The following CUL1 variants were observed in gnomAD, a reference collection of about 807,000 sequenced individuals.
The protein encoded by CUL1 is cullin-1.
In CUL1, 24 loss-of-function variants were observed where a neutral mutation model predicts 118.0. The observed-to-expected ratio is 0.20, with a 90% CI of 0.15 to 0.29. The LOEUF (loss-of-function observed/expected upper bound fraction) is 0.29. CUL1 is among the 10% of genes least tolerant of loss of function. The pLI is 1.00. For synonymous variants in CUL1, 332 were observed against 340.4 expected, an observed-to-expected ratio of 0.98 and a Z score of 0.27; for missense variants, 361 against 933.8, an observed-to-expected ratio of 0.39 and a Z score of 7.99.
intron 15 of CUL1, among the ~76,000 whole-genome samples, chr7:148,790,047 T>A (rs1800953196): frequency 6.6e-6 from 1 of 152,248 alleles, no homozygotes; most frequent in Admixed American, 6.5e-5. Context: ...CATGTTTCCT[T>A]ATCTTGTAAA....
chr7:148,742,728 A>G (rs1799186525), intron 2 of CUL1, among the ~76,000 whole-genome samples: 1 of 150,370 alleles, frequency 6.7e-6, no homozygotes, highest in African/African-American at 2.4e-5. Flanking sequence ...CAGCCTCCTG[A>G]GTAGCTGGAA....
At chr7:148,744,404 G>A (rs1171225759) in intron 2 of CUL1, among the ~76,000 whole-genome samples, 15 of 77,274 alleles carry the variant, frequency 1.9e-4, no homozygotes, top group African/African-American at 5.7e-4. Context: ...TGCAGTGTGT[G>A]TGTGTGTGTG....
At chr7:148,773,625 C>T (rs551246804) in intron 9 of CUL1, among the ~76,000 whole-genome samples, 9 of 152,268 alleles carry the variant, frequency 5.9e-5, no homozygotes, top group African/African-American at 1.4e-4. Flanking sequence ...GCAGGGCTGC[C>T]GTCTCGGCTG....
At chr7:148,786,958 G>C in intron 12 of CUL1, 31 bp from the exon 13 acceptor site, 1 of 1,597,958 alleles carries the variant, frequency 6.3e-7, no homozygotes, top group Non-Finnish European at 8.5e-7. Flanking sequence ...GTGTGTGCTG[G>C]TTAAGTGTGT....
chr7:148,798,545 G>T lies in CUL1; in HGVS notation c.2031-27G>T, dbSNP rs1235946356. 2.6e-6 allele frequency: 4 copies of T among 1,540,780 alleles called. No homozygotes were observed. In the African/African-American group the frequency reaches 5.4e-5, roughly 21 times the overall value. Reference sequence around the variant, plus strand: ...ACTGCCTACCTTTTAATATAATAGTGATCGGTTTCCTCATTTTTCTTGATA... The same window carrying T: ...ACTGCCTACCTTTTAATATAATAGTTATCGGTTTCCTCATTTTTCTTGATA... On this transcript the variant is annotated intron_variant, in intron 19 of 21. Coordinates refer to ENST00000325222, the MANE Select transcript of CUL1 (RefSeq NM_003592.3).
chr7:148,751,227 A>G lies in CUL1; in HGVS notation c.141-2749A>G, dbSNP rs147145208. ...AGAATTTTGGACCAGCCAGGGCAAC[A>G]TAGCAAGACCCCATCTCTACAAAAA... is the stretch of plus-strand genomic sequence containing the variant. On this transcript the variant is annotated intron_variant, in intron 2 of 21. Coordinates refer to ENST00000325222, the MANE Select transcript of CUL1 (RefSeq NM_003592.3). Among the ~76,000 whole-genome samples the G allele has an allele frequency of 3.9e-5, 6 of 152,234 alleles. No homozygotes were observed. The East Asian group carries it at 1.2e-3, about 29-fold the overall frequency.
intron 1 of CUL1, among the ~76,000 whole-genome samples, chr7:148,725,621 T>G (rs1798555084): frequency 6.6e-6 from 1 of 152,176 alleles, no homozygotes; most frequent in South Asian, 2.1e-4. Flanking sequence ...CCAAGCCAGG[T>G]CTCAGCATCT....
intron 17 of CUL1, among the ~76,000 whole-genome samples, chr7:148,793,661 T>C (rs1291090092): frequency 6.6e-6 from 1 of 152,252 alleles, no homozygotes; most frequent in Non-Finnish European, 1.5e-5. Context: ...ATCCAATGTA[T>C]AGATGGACCA....
At chr7:148,702,937 A>T (rs373221205) in intron 1 of CUL1, among the ~76,000 whole-genome samples, 17 of 152,200 alleles carry the variant, frequency 1.1e-4, no homozygotes, top group African/African-American at 3.9e-4. Context: ...TTCCACTGGA[A>T]ATCTTTACAG....
intron 2 of CUL1, among the ~76,000 whole-genome samples, chr7:148,748,879 G>GT: frequency 6.6e-6 from 1 of 152,176 alleles, no homozygotes; most frequent in Middle Eastern, 3.4e-3. Context: ...AATCTAAACT[G>GT]TTTAACTCTT....
intron 6 of CUL1, 24 bp downstream of exon 6, chr7:148,759,662 T>C (rs1799775693): frequency 7.3e-7 from 1 of 1,374,182 alleles, no homozygotes; most frequent in Non-Finnish European, 1.0e-6. Flanking sequence ...CTTTAGTTTA[T>C]TCAAAGTTTT....
At chr7:148,744,047 G>A (rs1563156594) in intron 2 of CUL1, among the ~76,000 whole-genome samples, 1 of 152,040 alleles carries the variant, frequency 6.6e-6, no homozygotes, top group South Asian at 2.1e-4. Flanking sequence ...GTAATTTGTT[G>A]CCTGATAGTT....
intron 1 of CUL1, among the ~76,000 whole-genome samples, chr7:148,725,190 C>T (rs1175867628): frequency 1.3e-5 from 2 of 149,794 alleles, no homozygotes; most frequent in East Asian, 2.0e-4. Context: ...AGCGCACATG[C>T]GCGCGTGTAC....
chr7:148,715,383 C>G (rs548046664), intron 1 of CUL1, among the ~76,000 whole-genome samples: 1 of 152,276 alleles, frequency 6.6e-6, no homozygotes, highest in Admixed American at 6.5e-5. Context: ...TTCTTGAAGG[C>G]CGTGGCTCCT....
chr7:148,703,635 C>T (rs1003935222), intron 1 of CUL1, among the ~76,000 whole-genome samples: 5 of 151,946 alleles, frequency 3.3e-5, no homozygotes, highest in South Asian at 2.1e-4. Flanking sequence ...TGGGTTCAAG[C>T]GCTTCTCCTG....
At chr7:148,699,347 G>A (rs1281175817) in intron 1 of CUL1, among the ~76,000 whole-genome samples, 1 of 151,982 alleles carries the variant, frequency 6.6e-6, no homozygotes, top group East Asian at 1.9e-4. Flanking sequence ...CGGCCTGGTG[G>A]CGCCGGCCCC....
intron 1 of CUL1, among the ~76,000 whole-genome samples, chr7:148,721,972 G>C (rs1438535518): frequency 6.6e-6 from 1 of 152,142 alleles, no homozygotes; most frequent in African/African-American, 2.4e-5. Context: ...TTGTTTTACT[G>C]TCGGTTTCAT....
Position 148,730,211 on chromosome 7 carries a change from A to G in CUL1, c.89A>G (p.Gln30Arg), listed in dbSNP as rs1390951361. Residue 30 changes from glutamine to arginine, a missense_variant, in exon 2 of 22, where the codon CAG (glutamine) becomes CGG (arginine). By Grantham distance (43) the Gln-to-Arg change is conservative. Around this residue, in one of 7 missense-constraint regions of CUL1, gnomAD observed 13 missense variants for 56.5 expected, o/e 0.23. Transcript: ENST00000325222. ...GACGACCTCAGAGCCGGCATCCAGC[A>G]GGTGTACACACGGCAGAGCATGGCC... Reference protein sequence around the residue: ...IWDDLRAGIQQVYTRQSMAKS... With the variant: ...IWDDLRAGIQRVYTRQSMAKS... The G allele has an allele frequency of 6.2e-7, 1 of 1,614,080 alleles. No homozygotes were observed. The highest frequency in any genetic ancestry group is 8.5e-7 in the Non-Finnish European group (1 of 1,180,044).
chr7:148,800,071 T>C lies in CUL1; in HGVS notation c.2251-431T>C, dbSNP rs1269925321. ...CTTCCCCAACAGGCAGGAGGCCCAGTGTCCCTCCTGGGTTACATTTGGCAC... is the reference window on the plus strand; with the variant it reads ...CTTCCCCAACAGGCAGGAGGCCCAGCGTCCCTCCTGGGTTACATTTGGCAC... On this transcript the variant is annotated intron_variant, in intron 21 of 21. Coordinates refer to ENST00000325222, the MANE Select transcript of CUL1 (RefSeq NM_003592.3). This position sits in a 1 kb window ranked among gnomAD's most constrained non-coding sequence, Gnocchi z 4.6. 6.6e-6 allele frequency among the ~76,000 whole-genome samples: 1 copy of C among 152,178 alleles called. No individual in the cohort carries two copies. The highest frequency in any genetic ancestry group is 6.5e-5 in the Admixed American group (1 of 15,278).
Sources: allele counts gnomAD v4.1 joint callset (sites outside exome capture counted in the v4.1 genomes callset), GRCh38; gene constraint gnomAD v4.1.1; regional missense constraint gnomAD v4.1.1; non-coding constraint Gnocchi (gnomAD v3.1); transcripts MANE v1.5; gene names NCBI Gene and HGNC (gene_info 2026-07-23, HGNC 2026-07-21).